Variants in DAPK1 observed in about 807,000 individuals in gnomAD.
DAPK1 encodes death associated protein kinase 1.
A neutral mutation model predicts 144.9 loss-of-function variants in DAPK1; 56 were observed. The ratio of observed to expected loss-of-function variants is 0.39; its 90% CI spans 0.31 to 0.48. The LOEUF (loss-of-function observed/expected upper bound fraction) is 0.48, where lower values mean the gene tolerates loss of function less well. Among genes scored for constraint, DAPK1 ranks in the 20% least tolerant of loss-of-function variants. The probability of loss-of-function intolerance (pLI) is 0.95; values close to 1 mark genes in which losing one functional copy is unlikely to be tolerated. For synonymous variants in DAPK1, 690 were observed against 749.0 expected (o/e 0.92, Z 1.29); for missense variants, 1,454 against 1,875.4 (o/e 0.78, Z 4.15).
intron 2 of DAPK1, among the ~76,000 whole-genome samples, chr9:87,504,785 C>G (rs866275874): frequency 1.3e-5 from 2 of 152,188 alleles, no homozygotes; most frequent in South Asian, 2.1e-4. Flanking sequence ...ATGTAATCTT[C>G]CCATATATCT....
chr9:87,544,704 A>G (rs1826176269), intron 2 of DAPK1, among the ~76,000 whole-genome samples: 1 of 151,972 alleles, frequency 6.6e-6, no homozygotes. Flanking sequence ...TACTGGTGAG[A>G]TGGATTATGC....
chr9:87,684,479 T>C (rs967396726), intron 20 of DAPK1, among the ~76,000 whole-genome samples: 8 of 152,216 alleles, frequency 5.3e-5, no homozygotes, highest in Non-Finnish European at 8.8e-5. Flanking sequence ...TTTTAGAATT[T>C]TGGCCCTTTT....
intron 2 of DAPK1, among the ~76,000 whole-genome samples, chr9:87,503,018 T>C (rs143250093): frequency 0.013 from 1,948 of 152,304 alleles, 16 homozygotes; most frequent in Non-Finnish European, 0.021. Context: ...ATGATGCTGA[T>C]GCTGATACTG....
chr9:87,618,592 G>A (rs1051684724), intron 3 of DAPK1, among the ~76,000 whole-genome samples: 4 of 152,182 alleles, frequency 2.6e-5, no homozygotes, highest in African/African-American at 9.7e-5. Context: ...ACTTGGCAAG[G>A]AAAATAACTG....
At chr9:87,567,532 T>G (rs1258927066) in intron 2 of DAPK1, among the ~76,000 whole-genome samples, 2 of 151,932 alleles carry the variant, frequency 1.3e-5, no homozygotes, top group East Asian at 1.9e-4. Context: ...CAATTGGAGT[T>G]GCGGGGTCAG....
intron 2 of DAPK1, among the ~76,000 whole-genome samples, chr9:87,578,088 T>C (rs1479599311): frequency 6.6e-6 from 1 of 152,216 alleles, no homozygotes; most frequent in Non-Finnish European, 1.5e-5. Context: ...ATTTTAAATG[T>C]AACTCATGCT....
Position 87,647,400 on chromosome 9 carries a change from C to T in DAPK1, c.1326C>T (p.Asp442=), listed in dbSNP as rs778221520. 1 of 1,613,440 alleles carries T rather than the reference C, an allele frequency of 6.2e-7. No individual in the cohort carries two copies. Among genetic ancestry groups the T allele is most frequent in the African/African-American group, 1.3e-5 (1 of 74,874 alleles). Residue 442 remains aspartate, a synonymous_variant, in exon 14 of 26, where the codon GAC becomes GAT. Transcript: ENST00000408954. ...ACAAATGCCCTTTGGATGTGAAAGA[C>T]AAGGTAAGGCCACTTCTCTTAGGAG... ...SENKCPLDVK[D]KSGEMALHVA... is the part of the protein sequence containing the mutation.
intron 19 of DAPK1, among the ~76,000 whole-genome samples, chr9:87,680,789 G>A (rs529004943): frequency 6.6e-6 from 1 of 152,230 alleles, no homozygotes; most frequent in East Asian, 1.9e-4. Flanking sequence ...AGCAAAGAGG[G>A]GAATGAATGG....
chr9:87,596,559 GA>G (rs1331427703), intron 2 of DAPK1, among the ~76,000 whole-genome samples: 1 of 152,216 alleles, frequency 6.6e-6, no homozygotes, highest in Non-Finnish European at 1.5e-5. Flanking sequence ...CAGAGAACTT[GA>G]AAAGTGAGTC....
chr9:87,538,807 G>A (rs1407104253), intron 2 of DAPK1, among the ~76,000 whole-genome samples: 2 of 151,868 alleles, frequency 1.3e-5, no homozygotes, highest in Non-Finnish European at 2.9e-5. Flanking sequence ...GAATTATTAA[G>A]CTTTATAAAC....
intron 3 of DAPK1, among the ~76,000 whole-genome samples, chr9:87,625,582 G>T (rs1298517607): frequency 6.6e-6 from 1 of 152,154 alleles, no homozygotes; most frequent in African/African-American, 2.4e-5. Context: ...AGACTTGCAG[G>T]GTCTTGGGTA....
At chr9:87,635,020 T>A (rs1829840806) in intron 3 of DAPK1, among the ~76,000 whole-genome samples, 1 of 152,074 alleles carries the variant, frequency 6.6e-6, no homozygotes, top group South Asian at 2.1e-4. Context: ...CCCTTTATTT[T>A]ATAGAAGGGG....
chr9:87,630,024 C>A (rs983267421), intron 3 of DAPK1, among the ~76,000 whole-genome samples: 6 of 152,138 alleles, frequency 3.9e-5, no homozygotes, highest in Non-Finnish European at 7.3e-5. Context: ...AGACATGAGA[C>A]TACAAGGAGA....
intron 3 of DAPK1, among the ~76,000 whole-genome samples, chr9:87,617,995 A>T (rs10868641): frequency 0.24 from 36,779 of 152,122 alleles, 4,669 homozygotes; most frequent in South Asian, 0.37. Context: ...GCTCTGCCAC[A>T]GAAAGAGCTT....
chr9:87,668,833 A>G (rs1831154107), intron 19 of DAPK1, 159 bp downstream of exon 19: 2 of 635,518 alleles, frequency 3.1e-6, no homozygotes, highest in Admixed American at 2.7e-5. Context: ...AGTCGGTATA[A>G]ATGCATCAGC....
intron 21 of DAPK1, among the ~76,000 whole-genome samples, chr9:87,695,881 T>C (rs1363664408): frequency 6.6e-6 from 1 of 152,188 alleles, no homozygotes; most frequent in African/African-American, 2.4e-5. Context: ...ACCCACCTTC[T>C]CTCAATTAAT....
At chr9:87,500,551 TAGAA>T (rs552084156) in intron 2 of DAPK1, among the ~76,000 whole-genome samples, 22 of 152,308 alleles carry the variant, frequency 1.4e-4, no homozygotes, top group South Asian at 1.2e-3. Context: ...TAAGTGTTGT[TAGAA>T]AGAGAGATGA....
intron 3 of DAPK1, chr9:87,633,430 C>G: frequency 1.0e-6 from 1 of 967,928 alleles, no homozygotes; most frequent in Non-Finnish European, 1.2e-6. Context: ...GGGATAGGGA[C>G]TCTCCTAACC....
At chr9:87,525,538 G>C (rs957047693) in intron 2 of DAPK1, 4 of 1,054,374 alleles carry the variant, frequency 3.8e-6, no homozygotes, top group Admixed American at 3.6e-5. Flanking sequence ...ATAGTTCTTT[G>C]TACATAAAAT....
Sources: allele counts gnomAD v4.1 joint callset (sites outside exome capture counted in the v4.1 genomes callset), GRCh38; gene constraint gnomAD v4.1.1; transcripts MANE v1.5; gene names NCBI Gene and HGNC (gene_info 2026-07-23, HGNC 2026-07-21).